The following NBEA variants were observed in gnomAD, a reference collection of about 807,000 sequenced individuals.
The protein encoded by NBEA is neurobeachin, also known as lysosomal-trafficking regulator 2.
Under a neutral mutation model 343.4 loss-of-function variants are expected in NBEA, and 44 were observed. The ratio of observed to expected loss-of-function variants is 0.13; its 90% CI spans 0.10 to 0.16. The LOEUF (loss-of-function observed/expected upper bound fraction) is 0.16, where lower values mean the gene tolerates loss of function less well. NBEA is among the 10% of genes least tolerant of loss of function. NBEA has a pLI of 1.00. For missense variants in NBEA, 2,555 were observed against 3,631.3 expected, an observed-to-expected ratio of 0.70 and a Z score of 7.62; for synonymous variants, 1,175 against 1,238.7, an observed-to-expected ratio of 0.95 and a Z score of 1.08.
chr13:35,484,234 A>ATGTGTG (rs397851790), intron 41 of NBEA, among the ~76,000 whole-genome samples: 150 of 124,810 alleles, frequency 1.2e-3, no homozygotes, highest in East Asian at 3.2e-3. Flanking sequence ...CTACATTAAT[A>ATGTGTG]TGTGTGTGTG....
chr13:35,366,010 C>T (rs1279805510), intron 38 of NBEA, among the ~76,000 whole-genome samples: 2 of 151,496 alleles, frequency 1.3e-5, no homozygotes, highest in Non-Finnish European at 3.0e-5. Flanking sequence ...CCCTAGAGTG[C>T]TGTATTTTGA....
At chr13:35,401,215 A>G (rs1192197701) in intron 38 of NBEA, among the ~76,000 whole-genome samples, 2 of 152,018 alleles carry the variant, frequency 1.3e-5, no homozygotes, top group African/African-American at 4.8e-5. Context: ...CGCTGTAGCA[A>G]GCACTATTTC....
intron 38 of NBEA, among the ~76,000 whole-genome samples, chr13:35,391,860 C>T (rs76454196): frequency 1.3e-5 from 2 of 152,082 alleles, no homozygotes; most frequent in East Asian, 3.8e-4. Flanking sequence ...CTAACTTTTC[C>T]TCAGATATAA....
Position 35,039,747 on chromosome 13 carries a change from C to G in NBEA, c.295-1186C>G, listed in dbSNP as rs557966356. Reference sequence around the variant, plus strand: ...GTCATCTGTCAGTATTTGTGAATACCTTTCAGTGACAGGAAATTAATTTTA... The same window carrying G: ...GTCATCTGTCAGTATTTGTGAATACGTTTCAGTGACAGGAAATTAATTTTA... On this transcript the variant is annotated intron_variant, in intron 1 of 58. Coordinates refer to ENST00000379939, the MANE Select transcript of NBEA (RefSeq NM_001385012.1). 8.7e-4 allele frequency among the ~76,000 whole-genome samples: 133 copies of G among 152,078 alleles called. 1 individual carries two copies. The highest frequency in any genetic ancestry group is 1.4e-3 in the Non-Finnish European group (98 of 67,986).
chr13:35,497,190 T>G (rs937119880), intron 41 of NBEA, among the ~76,000 whole-genome samples: 1 of 152,068 alleles, frequency 6.6e-6, no homozygotes. Context: ...AGTGATTCAC[T>G]CAGGGCCTAA....
chr13:35,058,591 AT>A, intron 7 of NBEA, 125 bp from the exon 8 acceptor site: 1 of 773,608 alleles, frequency 1.3e-6, no homozygotes. Flanking sequence ...TAAAGTCTTA[AT>A]TGATGCTTTC....
chr13:35,584,740 T>TC (rs1378714132), intron 46 of NBEA, among the ~76,000 whole-genome samples: 1 of 152,098 alleles, frequency 6.6e-6, no homozygotes, highest in Non-Finnish European at 1.5e-5. Flanking sequence ...CCTCAGGTGA[T>TC]CCACCTGTCT....
intron 7 of NBEA, among the ~76,000 whole-genome samples, chr13:35,057,078 A>G (rs990505732): frequency 2.0e-5 from 3 of 152,280 alleles, no homozygotes; most frequent in Admixed American, 6.5e-5. Flanking sequence ...TCCATTGTCT[A>G]CATTCCGGCC....
chr13:35,566,315 C>T (rs910721943), intron 44 of NBEA, among the ~76,000 whole-genome samples: 28 of 152,154 alleles, frequency 1.8e-4, no homozygotes, highest in African/African-American at 6.3e-4. Flanking sequence ...GAGCCAAGAT[C>T]GCGCCATTGC....
Position 35,157,059 on chromosome 13 carries a change from C to A in NBEA, c.2652-19C>A. The A allele has an allele frequency of 3.3e-6, 5 of 1,502,812 alleles. No individual in the cohort carries two copies. The highest frequency in any genetic ancestry group is 2.8e-5 in the South Asian group (2 of 71,256). The allele number at this position is 1,502,812 out of a possible 1,614,324, so 93.1% of individuals were successfully genotyped here. On this transcript the variant is annotated intron_variant, in intron 20 of 58. Transcript: ENST00000379939. ...TTAATTTGGATATTTTTAATGAGAT[C>A]AAATTTTTTTCTCCCTAGATGCTTA...
chr13:35,254,082 A>C (rs981747417), intron 34 of NBEA, among the ~76,000 whole-genome samples: 2 of 151,980 alleles, frequency 1.3e-5, no homozygotes, highest in South Asian at 4.1e-4. Flanking sequence ...TTGTACCTAC[A>C]TCCTTATCTA....
intron 4 of NBEA, among the ~76,000 whole-genome samples, chr13:35,045,876 C>T (rs1248340800): frequency 2.0e-5 from 3 of 151,808 alleles, no homozygotes; most frequent in Non-Finnish European, 2.9e-5. Context: ...TACAGACACC[C>T]GCCACCATGC....
chr13:35,034,414 G>GT (rs1010350696), intron 1 of NBEA, among the ~76,000 whole-genome samples: 3 of 151,756 alleles, frequency 2.0e-5, no homozygotes, highest in African/African-American at 7.3e-5. Flanking sequence ...GGTGTGCTAT[G>GT]TTTTTTGTTG....
intron 38 of NBEA, among the ~76,000 whole-genome samples, chr13:35,367,013 G>A (rs1368891856): frequency 2.6e-5 from 4 of 151,358 alleles, no homozygotes; most frequent in Middle Eastern, 3.4e-3. Context: ...GGTGTAGTAA[G>A]AATCTCTATT....
In NBEA at chr13:35,619,022, C is replaced by T. The variant is rs368426624; in HGVS notation, c.7450-9059C>T. ...TGTATTATAACCTTTACAGAATGTC[C>T]GTATTTCAAAGAAAATGTTTCCTTT... On this transcript the variant is annotated intron_variant, in intron 48 of 58. Transcript: ENST00000379939. 4.0e-5 allele frequency among the ~76,000 whole-genome samples: 6 copies of T among 151,412 alleles called. No individual in the cohort carries two copies. The East Asian group carries it at 1.2e-3, about 30-fold the overall frequency.
chr13:35,523,036 A>G (rs1037874640), intron 41 of NBEA, among the ~76,000 whole-genome samples: 1 of 152,212 alleles, frequency 6.6e-6, no homozygotes, highest in Non-Finnish European at 1.5e-5. Flanking sequence ...GGAAATGACA[A>G]GAATATTTAC....
intron 17 of NBEA, among the ~76,000 whole-genome samples, chr13:35,139,512 A>G (rs1593477499): frequency 6.6e-6 from 1 of 152,180 alleles, no homozygotes; most frequent in Non-Finnish European, 1.5e-5. Flanking sequence ...CTGTCGATCC[A>G]TGTGGGCAGA....
At chr13:35,130,867 A>G (rs1019597893) in intron 17 of NBEA, among the ~76,000 whole-genome samples, 1 of 152,062 alleles carries the variant, frequency 6.6e-6, no homozygotes, top group Non-Finnish European at 1.5e-5. Context: ...ATAGAAATAT[A>G]TATATCTTCT....
intron 34 of NBEA, among the ~76,000 whole-genome samples, chr13:35,245,877 T>A (rs1030763133): frequency 6.6e-6 from 1 of 152,216 alleles, no homozygotes; most frequent in East Asian, 1.9e-4. Context: ...CCCCTAAATA[T>A]GTTTTCCAAA....
Sources: gnomAD v4.1 joint callset for allele counts (sites outside exome capture counted in the v4.1 genomes callset) on GRCh38, gnomAD v4.1.1 for gene constraint, MANE v1.5 for transcripts, NCBI Gene and HGNC (gene_info 2026-07-23, HGNC 2026-07-21) for gene names.